The following STK36 variants were observed in gnomAD, a reference collection of about 807,000 sequenced individuals.
STK36 encodes serine/threonine kinase 36, also known as serine/threonine-protein kinase 36.
In STK36, 116 loss-of-function variants were observed where a neutral mutation model predicts 142.2. That is an observed-to-expected ratio of 0.82 (90% CI 0.70 to 0.95). The LOEUF (loss-of-function observed/expected upper bound fraction) is 0.95. STK36 is among the 40% of genes least tolerant of loss of function. The pLI is 0.00. For synonymous variants in STK36, 619 were observed against 641.7 expected, an observed-to-expected ratio of 0.96 and a Z score of 0.53; for missense variants, 1,422 against 1,617.2, an observed-to-expected ratio of 0.88 and a Z score of 2.07.
At chr2:218,686,506 T>C (rs1940784863) in intron 11 of STK36, among the ~76,000 whole-genome samples, 1 of 152,184 alleles carries the variant, frequency 6.6e-6, no homozygotes, top group African/African-American at 2.4e-5. Context: ...TGGGCTCAAG[T>C]AATCCTCCCA....
Position 218,672,981 on chromosome 2 carries a change from T to C in STK36, c.84+68T>C, listed in dbSNP as rs546775137. 234 of 1,394,442 alleles carry C rather than the reference T, an allele frequency of 1.7e-4. 3 individuals are homozygous for C. In the South Asian group the frequency reaches 2.5e-3, roughly 15 times the overall value. 86.4% of individuals were successfully genotyped at this position (1,394,442 alleles called of 1,614,324 possible). On this transcript the variant is annotated intron_variant, in intron 2 of 26. Coordinates refer to ENST00000295709, the MANE Select transcript of STK36 (RefSeq NM_015690.5). Reference sequence around the variant, plus strand: ...CCCCAACTCCAGTGGAAAATGGATCTAGAAGGAATGTATTTATACCAGTTT... The same window carrying C: ...CCCCAACTCCAGTGGAAAATGGATCCAGAAGGAATGTATTTATACCAGTTT...
rs1575117114 is a variant in STK36 at position 218,672,138 on chromosome 2, T to C, written c.-167T>C. ...TCGGATGTGTCCCAGGAAGTGCCCA[T>C]GTGTGGTCCGCCGTCCATTCCACAC... On this transcript the variant is annotated 5_prime_UTR_variant, in exon 1 of 27. It removes an upstream start codon present in the reference 5' UTR. Coordinates refer to ENST00000295709, the MANE Select transcript of STK36 (RefSeq NM_015690.5). 1 of 735,052 alleles carries C rather than the reference T, an allele frequency of 1.4e-6. No homozygotes were observed. Among genetic ancestry groups the C allele is most frequent in the Non-Finnish European group, 2.3e-6 (1 of 439,332 alleles). 45.5% of individuals were successfully genotyped at this position (735,052 alleles called of 1,614,324 possible).
chr2:218,697,353 C>A, intron 23 of STK36, 110 bp from the exon 24 acceptor site: 2 of 1,525,828 alleles, frequency 1.3e-6, no homozygotes, highest in East Asian at 4.5e-5. Flanking sequence ...ACTAGAGCTG[C>A]TCTAAGATGG....
In STK36 at chr2:218,695,718, A is replaced by G. The variant is rs570798257; in HGVS notation, c.2512-809A>G. 2.9e-3 allele frequency among the ~76,000 whole-genome samples: 439 copies of G among 149,536 alleles called. 3 individuals are homozygous for G. Among genetic ancestry groups the G allele is most frequent in the Middle Eastern group, 7.1e-3 (2 of 282 alleles). On this transcript the variant is annotated intron_variant, in intron 21 of 26. Transcript: ENST00000295709. The stretch of plus-strand genomic sequence containing the variant: ...CTGGCTAATTTTTTTGTGTGTTTTT[A>G]GTAGAGATGGGGTTTCACCATGTTG...
At chr2:218,683,329 C>A (rs1940620122) in intron 10 of STK36, among the ~76,000 whole-genome samples, 2 of 150,028 alleles carry the variant, frequency 1.3e-5, no homozygotes, top group South Asian at 4.2e-4. Context: ...GGCTGGAGTG[C>A]AGTGGCACGA....
chr2:218,689,680 C>T (rs896939935), intron 12 of STK36, among the ~76,000 whole-genome samples, 179 bp from the exon 13 acceptor site: 13 of 152,246 alleles, frequency 8.5e-5, no homozygotes, highest in Non-Finnish European at 1.9e-4. Context: ...CCAGGCTGTT[C>T]ACAGCCCATT....
chr2:218,694,116 A>C lies in STK36; in HGVS notation c.2336+133A>C, dbSNP rs983467695. 1 of 1,190,112 alleles carries C rather than the reference A, an allele frequency of 8.4e-7. No individual in the cohort carries two copies. Among genetic ancestry groups the C allele is most frequent in the Non-Finnish European group, 1.2e-6 (1 of 805,332 alleles). The allele number at this position is 1,190,112 out of a possible 1,614,324, so 73.7% of individuals were successfully genotyped here. Reference sequence around the variant, plus strand: ...GGATAGAGAGCGTGAAGCTTTCTCTACAAAGAACAGACCTAGACTCCCATC... The same window carrying C: ...GGATAGAGAGCGTGAAGCTTTCTCTCCAAAGAACAGACCTAGACTCCCATC... On this transcript the variant is annotated intron_variant, in intron 19 of 26. Transcript: ENST00000295709. This position sits in a 1 kb window ranked among gnomAD's most constrained non-coding sequence, Gnocchi z 4.4.
Position 218,680,088 on chromosome 2 carries a change from G to A in STK36, c.1136+8G>A, listed in dbSNP as rs766894209. On this transcript the variant is annotated splice_region_variant and intron_variant, in intron 9 of 26. Transcript: ENST00000295709. ...GGTGCCCTCTGCACCTCGGTGAGAA[G>A]GGTATAGTTAGGGATTTGTAGGGTG... is the stretch of plus-strand genomic sequence containing the variant. 3.1e-6 allele frequency: 5 copies of A among 1,613,498 alleles called. No individual in the cohort carries two copies. Among genetic ancestry groups the A allele is most frequent in the South Asian group, 1.1e-5 (1 of 90,990 alleles).
chr2:218,681,877 G>A (rs886690547), intron 10 of STK36, among the ~76,000 whole-genome samples: 4 of 152,220 alleles, frequency 2.6e-5, no homozygotes, highest in South Asian at 2.1e-4. Context: ...TTTCTAACAC[G>A]TGAGTTTTGG....
intron 11 of STK36, among the ~76,000 whole-genome samples, chr2:218,686,251 AT>A (rs1219071084): frequency 6.7e-6 from 1 of 149,942 alleles, no homozygotes; most frequent in African/African-American, 2.5e-5. Flanking sequence ...TTTAAAATTT[AT>A]TTATTTATTT....
chr2:218,673,899 T>C lies in STK36; in HGVS notation c.246T>C (p.Tyr82=), dbSNP rs370460437. Residue 82 remains tyrosine, a synonymous_variant, in exon 4 of 27, where the codon TAT becomes TAC. Coordinates refer to ENST00000295709, the MANE Select transcript of STK36 (RefSeq NM_015690.5). ...TGTAGGTGGTGGTGGTGACAGACTA[T>C]GCTGAGGGAGAGCTCTTTCAGATCC... ...TDKEVVVVTD[Y]AEGELFQILE... 9 of 1,614,172 alleles carry C rather than the reference T, an allele frequency of 5.6e-6. No individual in the cohort carries two copies. Among genetic ancestry groups the C allele is most frequent in the Non-Finnish European group, 5.9e-6 (7 of 1,180,046 alleles).
intron 6 of STK36, among the ~76,000 whole-genome samples, chr2:218,677,240 C>T (rs1575122552): frequency 6.6e-6 from 1 of 152,220 alleles, no homozygotes; most frequent in East Asian, 1.9e-4. Context: ...GCCAGGGCTA[C>T]ACACTTTTAA....
intron 21 of STK36, among the ~76,000 whole-genome samples, chr2:218,695,573 G>A (rs1424711740): frequency 3.5e-5 from 4 of 115,886 alleles, no homozygotes; most frequent in Non-Finnish European, 6.5e-5. Context: ...TTATTCTGTC[G>A]CCCAGGCTGG....
chr2:218,680,825 T>G, intron 10 of STK36, 123 bp downstream of exon 10: 1 of 694,334 alleles, frequency 1.4e-6, no homozygotes, highest in Non-Finnish European at 2.4e-6. Context: ...TTAAAAAGTA[T>G]TGCTTTATTA....
At chr2:218,687,975 T>C (rs760172074) in intron 11 of STK36, among the ~76,000 whole-genome samples, 3 of 152,104 alleles carry the variant, frequency 2.0e-5, no homozygotes, top group Non-Finnish European at 4.4e-5. Flanking sequence ...CTGGCCAACA[T>C]GGTGAAATCC....
At chr2:218,675,274 T>A in intron 4 of STK36, 69 bp from the exon 5 acceptor site, 1 of 1,542,290 alleles carries the variant, frequency 6.5e-7, no homozygotes, top group South Asian at 1.2e-5. Context: ...TTAAGAGAAA[T>A]TTTTGGGCTT....
chr2:218,686,627 G>GAT (rs1471597660), intron 11 of STK36, among the ~76,000 whole-genome samples: 10 of 152,046 alleles, frequency 6.6e-5, no homozygotes, highest in African/African-American at 2.4e-4. Context: ...CCGTTATATG[G>GAT]ATATATCACA....
chr2:218,675,013 C>T (rs1575120214), intron 4 of STK36, among the ~76,000 whole-genome samples: 2 of 152,288 alleles, frequency 1.3e-5, no homozygotes, highest in Non-Finnish European at 1.5e-5. Flanking sequence ...ATGTGCCAGG[C>T]ACCATTCTGA....
At position 218,697,948 on chromosome 2, in the gene STK36, A is replaced by C; in HGVS notation, c.3004A>C (p.Ile1002Leu). Residue 1002 changes from isoleucine to leucine, a missense_variant, in exon 25 of 27, where the codon ATA (isoleucine) becomes CTA (leucine). By Grantham distance (5) the Ile-to-Leu change is conservative. Coordinates refer to ENST00000295709, the MANE Select transcript of STK36 (RefSeq NM_015690.5). ...FALDMDADLL[I>L]GVLADLRDSE... ...GCTGGACATGGATGCTGACCTCCTTATAGGTGTCTTGGCCGACCTCAGGGA... is the reference window on the plus strand; with the variant it reads ...GCTGGACATGGATGCTGACCTCCTTCTAGGTGTCTTGGCCGACCTCAGGGA... The C allele has an allele frequency of 6.2e-7, 1 of 1,614,106 alleles. No homozygotes were observed. The highest frequency in any genetic ancestry group is 8.5e-7 in the Non-Finnish European group (1 of 1,180,014).
Sources: gnomAD v4.1 joint callset for allele counts (sites outside exome capture counted in the v4.1 genomes callset) on GRCh38, gnomAD v4.1.1 for gene constraint, Gnocchi (gnomAD v3.1) non-coding constraint, MANE v1.5 for transcripts, NCBI Gene and HGNC (gene_info 2026-07-23, HGNC 2026-07-21) for gene names.